The following ZNF778 variants were observed in gnomAD, a reference collection of about 807,000 sequenced individuals.
ZNF778 encodes the protein zinc finger protein 778.
ZNF778 carries 37 observed loss-of-function variants against 23.9 expected under a neutral mutation model. The ratio of observed to expected loss-of-function variants is 1.54; its 90% CI spans 1.19 to 2.03. The LOEUF is 2.03. Ranked by LOEUF, ZNF778 falls within the 30% of genes most tolerant of loss-of-function variation. ZNF778 has a pLI of 0.00. For synonymous variants in ZNF778, 483 were observed against 343.9 expected (o/e 1.40, Z -4.48); for missense variants, 1,297 against 934.4 (o/e 1.39, Z -5.06).
rs1567516647 is a variant in ZNF778 at position 89,233,730 on chromosome 16, T to C, written c.*5168T>C. 3.9e-5 allele frequency: 39 copies of C among 1,011,680 alleles called. 1 individual carries two copies. Among genetic ancestry groups the C allele is most frequent in the Non-Finnish European group, 4.1e-5 (33 of 803,540 alleles). The allele number at this position is 1,011,680 out of a possible 1,614,324, so 62.7% of individuals were successfully genotyped here. A position where few individuals can be genotyped will look rare whatever the true frequency, so the allele number is the denominator to read the frequency against. ...CAACTCACTGCGTATGCAACTCAACTCGCACTGCATATGCAACTCAACTCG... is the reference window on the plus strand; with the variant it reads ...CAACTCACTGCGTATGCAACTCAACCCGCACTGCATATGCAACTCAACTCG... On this transcript the variant is annotated 3_prime_UTR_variant, in exon 7 of 7. Transcript: ENST00000433976.
chr16:89,227,558 A>T lies in ZNF778; in HGVS notation c.1270A>T (p.Ser424Cys), dbSNP rs753439322. The T allele has an allele frequency of 6.2e-7, 1 of 1,614,196 alleles. No individual in the cohort carries two copies. Among genetic ancestry groups the T allele is most frequent in the South Asian group, 1.1e-5 (1 of 91,084 alleles). ...IHTGIKPYTCSYCGKAFTVRC... is the reference protein window; with the variant it reads ...IHTGIKPYTCCYCGKAFTVRC... Reference sequence around the variant, plus strand: ...CACTGGAATAAAACCCTATACATGCAGCTACTGTGGGAAGGCCTTCACTGT... The same window carrying T: ...CACTGGAATAAAACCCTATACATGCTGCTACTGTGGGAAGGCCTTCACTGT... The change falls in exon 7 of 7, where the codon AGC becomes TGC. Residue 424 changes from serine (S) to cysteine (C), a missense_variant. Ser to Cys is a moderately radical substitution (Grantham distance 112). Transcript: ENST00000433976.
chr16:89,232,556 C>T lies in ZNF778; in HGVS notation c.*3994C>T, dbSNP rs1464864663. The T allele has an allele frequency of 5.5e-6, 6 of 1,087,016 alleles. No individual in the cohort carries two copies. The Admixed American group carries it at 2.2e-4, about 40-fold the overall frequency. The allele number at this position is 1,087,016 out of a possible 1,614,324, so 67.3% of individuals were successfully genotyped here. A position where few individuals can be genotyped will look rare whatever the true frequency, so the allele number is the denominator to read the frequency against. ...TCTGTGTCACTTAGGGCAACTTATG[C>T]CCTCCTGTGTGAAAATCTCCACTCC... On this transcript the variant is annotated 3_prime_UTR_variant, in exon 7 of 7. Transcript: ENST00000433976.
At position 89,221,004 on chromosome 16, in the gene ZNF778, G is replaced by T. The variant is rs999692556; in HGVS notation, c.-124G>T. On this transcript the variant is annotated 5_prime_UTR_variant, in exon 2 of 7. Coordinates refer to ENST00000433976, the MANE Select transcript of ZNF778 (RefSeq NM_001201407.2). ...CTTCATCATGATTGCTAGGAAATAG[G>T]GATCCAGCCATCCGTGGGTCAGGAG... is the stretch of plus-strand genomic sequence containing the variant. 9.9e-7 allele frequency: 1 copy of T among 1,012,110 alleles called. No homozygotes were observed. Among genetic ancestry groups the T allele is most frequent in the Non-Finnish European group, 1.5e-6 (1 of 676,764 alleles). 62.7% of individuals were successfully genotyped at this position (1,012,110 alleles called of 1,614,324 possible).
rs758956146 is a variant in ZNF778 at position 89,227,242 on chromosome 16, C to T, written c.954C>T (p.Ser318=). The T allele has an allele frequency of 1.2e-6, 2 of 1,613,310 alleles. No individual in the cohort carries two copies. The highest frequency in any genetic ancestry group is 1.3e-5 in the African/African-American group (1 of 74,878). ...PCELEECGKA[S]PVSSSLTQHV... ...AATTGGAAGAATGTGGAAAAGCCTC[C>T]CCTGTTTCTTCCAGCCTAACTCAAC... is the stretch of plus-strand genomic sequence containing the variant. The change falls in exon 7 of 7, where the codon TCC becomes TCT. Residue 318 remains serine, a synonymous_variant. Transcript: ENST00000433976.
At chr16:89,222,213 T>A (rs753931276) in intron 3 of ZNF778, 30 bp downstream of exon 3, 13 of 1,536,258 alleles carry the variant, frequency 8.5e-6, no homozygotes, top group Non-Finnish European at 9.8e-6. Context: ...TTTCTTAAAA[T>A]AACATACTGG....
rs375998134 is a variant in ZNF778 at position 89,228,569 on chromosome 16, G to C, written c.*7G>C. 7 of 1,558,372 alleles carry C rather than the reference G, an allele frequency of 4.5e-6. No individual in the cohort carries two copies. Among genetic ancestry groups the C allele is most frequent in the African/African-American group, 4.1e-5 (3 of 72,690 alleles). ...TGATGAGAAACCTTTCTAATGTAAA[G>C]AATGTGGGGAAGCTGTCAGCTACAC... On this transcript the variant is annotated 3_prime_UTR_variant, in exon 7 of 7. Coordinates refer to ENST00000433976, the MANE Select transcript of ZNF778 (RefSeq NM_001201407.2).
intron 4 of ZNF778, chr16:89,224,515 A>C: frequency 2.1e-6 from 1 of 471,674 alleles, no homozygotes; most frequent in Non-Finnish European, 3.9e-6. Context: ...GCTACTTAGG[A>C]GGCTGAGGCA....
In ZNF778 at chr16:89,235,194, A is replaced by C. The variant is rs1160564385; in HGVS notation, c.*6632A>C. The C allele has an allele frequency of 6.6e-6, 1 of 152,084 alleles. No homozygotes were observed. Among genetic ancestry groups the C allele is most frequent in the Non-Finnish European group, 1.5e-5 (1 of 68,022 alleles). The allele number at this position is 152,084 out of a possible 1,614,324, so 9.4% of individuals were successfully genotyped here. On this transcript the variant is annotated 3_prime_UTR_variant, in exon 7 of 7. Transcript: ENST00000433976. ...AAGAAAAGAGGTTTATTTTGTTCACAATTCTGAAGGCCTGGAGGGTCCCAG... is the reference window on the plus strand; with the variant it reads ...AAGAAAAGAGGTTTATTTTGTTCACCATTCTGAAGGCCTGGAGGGTCCCAG...
chr16:89,219,795 T>C (rs1401104596), intron 1 of ZNF778, among the ~76,000 whole-genome samples: 2 of 152,168 alleles, frequency 1.3e-5, no homozygotes, highest in Admixed American at 6.5e-5. Context: ...TTAACGCTGT[T>C]ATATACGTTG....
At chr16:89,221,872 G>T (rs1168706584) in intron 2 of ZNF778, among the ~76,000 whole-genome samples, 1 of 151,772 alleles carries the variant, frequency 6.6e-6, no homozygotes, top group East Asian at 1.9e-4. Context: ...GTGTGTGTGT[G>T]TTTTCCTGAG....
At chr16:89,225,916 C>CTTT (rs11400876) in intron 6 of ZNF778, among the ~76,000 whole-genome samples, 14 of 145,386 alleles carry the variant, frequency 9.6e-5, no homozygotes, top group East Asian at 4.0e-4. Context: ...GTGCAGGATT[C>CTTT]TTTTTTTTTT....
chr16:89,228,902 A>G lies in ZNF778; in HGVS notation c.*340A>G. The G allele has an allele frequency of 9.8e-7, 1 of 1,025,374 alleles. No homozygotes were observed. The highest frequency in any genetic ancestry group is 8.5e-5 in the East Asian group (1 of 11,720). 63.5% of individuals were successfully genotyped at this position (1,025,374 alleles called of 1,614,324 possible). The stretch of plus-strand genomic sequence containing the variant: ...CTTAGGAGGGTGAGAATTGTTGGGA[A>G]GTCATTTTTTACATTACATCTTTCC... On this transcript the variant is annotated 3_prime_UTR_variant, in exon 7 of 7. Transcript: ENST00000433976.
chr16:89,227,364 A>T lies in ZNF778; in HGVS notation c.1076A>T (p.Asp359Val), dbSNP rs779599767. 3.7e-6 allele frequency: 6 copies of T among 1,613,906 alleles called. No homozygotes were observed. In the Admixed American group the frequency reaches 1.0e-4, roughly 27 times the overall value. ...GGTCTTTCTAAACACGTCCAAACAG[A>T]CCCTGGACAGAAGCCCTATGAATGT... ...LSGLSKHVQT[D>V]PGQKPYECKD... Residue 359 changes from aspartate to valine, a missense_variant, in exon 7 of 7, where the codon GAC becomes GTC. Transcript: ENST00000433976.
In ZNF778 at chr16:89,221,021, G is replaced by C. The variant is rs1365049677; in HGVS notation, c.-107G>C. 8.0e-7 allele frequency: 1 copy of C among 1,251,148 alleles called. No homozygotes were observed. The highest frequency in any genetic ancestry group is 1.1e-6 in the Non-Finnish European group (1 of 883,502). The allele number at this position is 1,251,148 out of a possible 1,614,324, so 77.5% of individuals were successfully genotyped here. A position where few individuals can be genotyped will look rare whatever the true frequency, so the allele number is the denominator to read the frequency against. ...GGAAATAGGGATCCAGCCATCCGTG[G>C]GTCAGGAGGAATGGAGACTGTACCT... On this transcript the variant is annotated 5_prime_UTR_variant, in exon 2 of 7. Transcript: ENST00000433976.
In ZNF778 at chr16:89,226,857, T is replaced by G. The variant is rs1715841540; in HGVS notation, c.569T>G (p.Leu190Trp). ...RDFFIPCQKT[L>W]FKIGEQFSVL... ...TTTTTTATTCCATGCCAGAAAACCT[T>G]GTTCAAAATTGGAGAGCAGTTTTCC... Residue 190 changes from leucine to tryptophan, a missense_variant, in exon 7 of 7, where the codon TTG becomes TGG. Transcript: ENST00000433976. 6.2e-7 allele frequency: 1 copy of G among 1,613,870 alleles called. No individual in the cohort carries two copies. Among genetic ancestry groups the G allele is most frequent in the African/African-American group, 1.3e-5 (1 of 74,904 alleles).
Position 89,230,649 on chromosome 16 carries a change from G to A in ZNF778, c.*2087G>A, listed in dbSNP as rs2031873183. ...TGGATGAGGCCCTTAAACACACACA[G>A]TGGCAGAGCAAGACTTCATGTGAGT... On this transcript the variant is annotated 3_prime_UTR_variant, in exon 7 of 7. Transcript: ENST00000433976. 1 of 152,276 alleles carries A rather than the reference G, an allele frequency of 6.6e-6. No homozygotes were observed. Among genetic ancestry groups the A allele is most frequent in the African/African-American group, 2.4e-5 (1 of 41,450 alleles). The allele number at this position is 152,276 out of a possible 1,614,324, so 9.4% of individuals were successfully genotyped here. A position where few individuals can be genotyped will look rare whatever the true frequency, so the allele number is the denominator to read the frequency against.
chr16:89,228,806 T>TATGCAGCAG lies in ZNF778; in HGVS notation c.*245_*253dup. On this transcript the variant is annotated 3_prime_UTR_variant, in exon 7 of 7. Transcript: ENST00000433976. The stretch of plus-strand genomic sequence containing the variant: ...TAGAGAGAACTCTATTGATGTGTGA[T>TATGCAGCAG]ATGCAGCAGCATTGTTGCTGTTCTG... The TATGCAGCAG allele has an allele frequency of 8.0e-7, 1 of 1,255,368 alleles. No individual in the cohort carries two copies. Among genetic ancestry groups the TATGCAGCAG allele is most frequent in the Non-Finnish European group, 1.0e-6 (1 of 998,998 alleles). 77.8% of individuals were successfully genotyped at this position (1,255,368 alleles called of 1,614,324 possible).
At position 89,229,486 on chromosome 16, in the gene ZNF778, T is replaced by C. The variant is rs1336953675; in HGVS notation, c.*924T>C. The C allele has an allele frequency of 2.1e-6, 2 of 973,734 alleles. No individual in the cohort carries two copies. Among genetic ancestry groups the C allele is most frequent in the Non-Finnish European group, 2.4e-6 (2 of 827,062 alleles). The allele number at this position is 973,734 out of a possible 1,614,324, so 60.3% of individuals were successfully genotyped here. Reference sequence around the variant, plus strand: ...CTGTGTGAGCAGCGTAGGCTCTGGTTGGTTAGTCTTGAGGATCCAGATGTG... The same window carrying C: ...CTGTGTGAGCAGCGTAGGCTCTGGTCGGTTAGTCTTGAGGATCCAGATGTG... On this transcript the variant is annotated 3_prime_UTR_variant, in exon 7 of 7. Coordinates refer to ENST00000433976, the MANE Select transcript of ZNF778 (RefSeq NM_001201407.2).
At chr16:89,220,942 C>G (rs975534165) in intron 1 of ZNF778, 55 bp from the exon 2 acceptor site, 2 of 619,210 alleles carry the variant, frequency 3.2e-6, no homozygotes, top group African/African-American at 3.7e-5. Context: ...CAGAAACAAG[C>G]TAATGCGTGA....
Sources: gnomAD v4.1 joint callset for allele counts (sites outside exome capture counted in the v4.1 genomes callset) on GRCh38, gnomAD v4.1.1 for gene constraint, MANE v1.5 for transcripts, NCBI Gene and HGNC (gene_info 2026-07-23, HGNC 2026-07-21) for gene names.